The following AGPAT3 variants were observed in gnomAD, a reference collection of about 807,000 sequenced individuals.
The protein encoded by AGPAT3 is 1-acyl-sn-glycerol-3-phosphate acyltransferase gamma.
AGPAT3 carries 5 observed loss-of-function variants against 47.3 expected under a neutral mutation model. That is an observed-to-expected ratio of 0.11 (90% confidence interval 0.06 to 0.22). AGPAT3 has a LOEUF of 0.22. AGPAT3 is among the 10% of genes least tolerant of loss of function. The pLI is 1.00. For missense variants in AGPAT3, 315 were observed against 493.0 expected, an observed-to-expected ratio of 0.64 and a Z score of 3.42; for synonymous variants, 212 against 208.3, an observed-to-expected ratio of 1.02 and a Z score of -0.15.
At chr21:43,935,011 TGCCACCCATGTGCCGTCCACCACCCAC>T (rs1459611444) in intron 2 of AGPAT3, among the ~76,000 whole-genome samples, 4 of 149,934 alleles carry the variant, frequency 2.7e-5, no homozygotes, top group Non-Finnish European at 4.4e-5. Context: ...CTACTACCCA[TGCCACCCATGTGCCGTCCACCACCCAC>T]GCCACCCACA....
intron 8 of AGPAT3, among the ~76,000 whole-genome samples, chr21:43,979,447 T>TC (rs2089763129): frequency 6.6e-6 from 1 of 151,488 alleles, no homozygotes; most frequent in South Asian, 2.1e-4. Context: ...GCCTGCCCCA[T>TC]CCCCTGAAGT....
chr21:43,882,132 G>C (rs1460201176), intron 1 of AGPAT3, among the ~76,000 whole-genome samples: 1 of 152,240 alleles, frequency 6.6e-6, no homozygotes, highest in African/African-American at 2.4e-5. Flanking sequence ...CCTCATCTGG[G>C]GGCCCTGTGC....
intron 1 of AGPAT3, among the ~76,000 whole-genome samples, chr21:43,881,918 A>C (rs1428387562): frequency 6.6e-6 from 1 of 152,332 alleles, no homozygotes; most frequent in South Asian, 2.1e-4. Context: ...CAGCCTCCCA[A>C]AGTGCTGGGA....
intron 2 of AGPAT3, chr21:43,925,353 C>T (rs899088717): frequency 6.6e-6 from 1 of 152,644 alleles, no homozygotes; most frequent in African/African-American, 2.4e-5. Flanking sequence ...TCCTGCCCCT[C>T]CCAGTCTGGG....
At chr21:43,948,991 C>T (rs1191557040) in intron 2 of AGPAT3, among the ~76,000 whole-genome samples, 1 of 152,116 alleles carries the variant, frequency 6.6e-6, no homozygotes, top group Admixed American at 6.5e-5. Context: ...TACTGATAAG[C>T]CGGTACTGTG....
intron 1 of AGPAT3, among the ~76,000 whole-genome samples, chr21:43,870,087 C>T (rs1021376653): frequency 3.3e-5 from 5 of 152,086 alleles, no homozygotes; most frequent in African/African-American, 1.2e-4. Flanking sequence ...GCGGCACGGG[C>T]GGGCGGGATT....
rs2087268215 is a variant in AGPAT3, at chr21:43,932,100, A to T, written c.-48-27534A>T. On this transcript the variant is annotated intron_variant, in intron 2 of 9. Coordinates refer to ENST00000291572, the MANE Select transcript of AGPAT3 (RefSeq NM_020132.5). The surrounding 1 kb of genome is among the most constrained non-coding windows in gnomAD (Gnocchi z 5.2). ...AATTAACATAGCTATCAGCTCACCAACATCGTTTTTGGTGGTGTGGATGTT... is the reference window on the plus strand; with the variant it reads ...AATTAACATAGCTATCAGCTCACCATCATCGTTTTTGGTGGTGTGGATGTT... Among the ~76,000 whole-genome samples, 1 of 152,170 alleles carries T rather than the reference A, an allele frequency of 6.6e-6. No individual in the cohort carries two copies. Among genetic ancestry groups the T allele is most frequent in the Admixed American group, 6.5e-5 (1 of 15,274 alleles).
Position 43,981,731 on chromosome 21 carries a change from C to T in AGPAT3, c.1042+544C>T, listed in dbSNP as rs144657584. 3.9e-3 allele frequency among the ~76,000 whole-genome samples: 596 copies of T among 152,078 alleles called. 1 individual carries two copies. Among genetic ancestry groups the T allele is most frequent in the Middle Eastern group, 6.8e-3 (2 of 294 alleles). On this transcript the variant is annotated intron_variant, in intron 9 of 9. Transcript: ENST00000291572. The surrounding 1 kb of genome is among the most constrained non-coding windows in gnomAD (Gnocchi z 5.3). ...ACCCCGTAATTGAGGGGTCTCTGTC[C>T]GTGGAGACACAGTCCGTGTGCATCG... is the stretch of plus-strand genomic sequence containing the variant.
chr21:43,875,126 G>T (rs988993383), intron 1 of AGPAT3, among the ~76,000 whole-genome samples: 1 of 151,990 alleles, frequency 6.6e-6, no homozygotes, highest in Non-Finnish European at 1.5e-5. Flanking sequence ...AATTACAGGC[G>T]CCCACCACCA....
Position 43,955,025 on chromosome 21 carries a change from C to T in AGPAT3, c.-48-4609C>T, listed in dbSNP as rs138234342. On this transcript the variant is annotated intron_variant, in intron 2 of 9. Coordinates refer to ENST00000291572, the MANE Select transcript of AGPAT3 (RefSeq NM_020132.5). This position sits in a 1 kb window ranked among gnomAD's most constrained non-coding sequence, Gnocchi z 4.1. Reference sequence around the variant, plus strand: ...AGCTGCATCCACACAGAGGCTGGGACGTGAATGTGCATCACGGCTCTATCT... The same window carrying T: ...AGCTGCATCCACACAGAGGCTGGGATGTGAATGTGCATCACGGCTCTATCT... 1.9e-5 allele frequency: 22 copies of T among 1,171,364 alleles called. No homozygotes were observed. In the East Asian group the frequency reaches 9.5e-4, roughly 51 times the overall value. The allele number at this position is 1,171,364 out of a possible 1,614,324, so 72.6% of individuals were successfully genotyped here.
chr21:43,982,210 C>A lies in AGPAT3; in HGVS notation c.1043-94C>A. 1 of 926,008 alleles carries A rather than the reference C, an allele frequency of 1.1e-6. No homozygotes were observed. The highest frequency in any genetic ancestry group is 1.7e-6 in the Non-Finnish European group (1 of 582,668). 57.4% of individuals were successfully genotyped at this position (926,008 alleles called of 1,614,324 possible). A position where few individuals can be genotyped will look rare whatever the true frequency, so the allele number is the denominator to read the frequency against. ...TGGGTGCGGGGCAGAGGGACAGGGT[C>A]TGGGGCAGAGGAAGGAAGCCCCAGT... On this transcript the variant is annotated intron_variant, in intron 9 of 9. Transcript: ENST00000291572. This position sits in a 1 kb window ranked among gnomAD's most constrained non-coding sequence, Gnocchi z 6.2.
chr21:43,867,927 A>G (rs2085544195), intron 1 of AGPAT3, among the ~76,000 whole-genome samples: 1 of 152,234 alleles, frequency 6.6e-6, no homozygotes, highest in African/African-American at 2.4e-5. Context: ...GTAAAGTAAC[A>G]TGACCACGAG....
chr21:43,876,075 C>T (rs772577169), intron 1 of AGPAT3, among the ~76,000 whole-genome samples: 2 of 152,018 alleles, frequency 1.3e-5, no homozygotes, highest in Admixed American at 6.6e-5. Context: ...GGCACCATGC[C>T]CAGCCTAACC....
rs1019308037 is a variant in AGPAT3, at chr21:43,920,516, C to T, written c.-49+16497C>T. 2.6e-5 allele frequency among the ~76,000 whole-genome samples: 4 copies of T among 152,124 alleles called. No individual in the cohort carries two copies. The highest frequency in any genetic ancestry group is 9.7e-5 in the African/African-American group (4 of 41,418). On this transcript the variant is annotated intron_variant, in intron 2 of 9. Transcript: ENST00000291572. This position sits in a 1 kb window ranked among gnomAD's most constrained non-coding sequence, Gnocchi z 6.1. ...GTGGCTGGGGCTCCAGGACAGCCTCCTGGGGGACTGGTTGCCAGGGCAACT... is the reference window on the plus strand; with the variant it reads ...GTGGCTGGGGCTCCAGGACAGCCTCTTGGGGGACTGGTTGCCAGGGCAACT...
intron 1 of AGPAT3, among the ~76,000 whole-genome samples, chr21:43,871,843 A>G (rs1027618476): frequency 1.3e-5 from 2 of 152,036 alleles, no homozygotes; most frequent in Non-Finnish European, 2.9e-5. Context: ...TATTTTTCCC[A>G]GTTGGGTTTT....
intron 7 of AGPAT3, among the ~76,000 whole-genome samples, chr21:43,976,977 A>G (rs912336610): frequency 1.3e-5 from 2 of 152,234 alleles, no homozygotes; most frequent in African/African-American, 4.8e-5. Flanking sequence ...AGATTTTAAT[A>G]TATCATATGT....
In AGPAT3 at chr21:43,967,802, G is replaced by A. The variant is rs2089203762; in HGVS notation, c.179-144G>A. ...GAAAGTTATTGTAATTTCATAAAAC[G>A]TACTCAGTGTAAGTCATCAAAACTC... On this transcript the variant is annotated intron_variant, in intron 3 of 9. Coordinates refer to ENST00000291572, the MANE Select transcript of AGPAT3 (RefSeq NM_020132.5). 9 of 737,092 alleles carry A rather than the reference G, an allele frequency of 1.2e-5. No individual in the cohort carries two copies. The South Asian group carries it at 1.6e-4, about 13-fold the overall frequency. 45.7% of individuals were successfully genotyped at this position (737,092 alleles called of 1,614,324 possible).
At position 43,932,673 on chromosome 21, in the gene AGPAT3, C is replaced by T. The variant is rs899837651; in HGVS notation, c.-48-26961C>T. Among the ~76,000 whole-genome samples the T allele has an allele frequency of 5.9e-5, 9 of 152,190 alleles. No homozygotes were observed. The highest frequency in any genetic ancestry group is 2.1e-4 in the South Asian group (1 of 4,830). On this transcript the variant is annotated intron_variant, in intron 2 of 9. Transcript: ENST00000291572. The surrounding 1 kb of genome is among the most constrained non-coding windows in gnomAD (Gnocchi z 5.2). Reference sequence around the variant, plus strand: ...GGTAGTTCCTTTTGTTTTCTTGAGACGGAGTCTTGCTCTGTCGCCCAGGCT... The same window carrying T: ...GGTAGTTCCTTTTGTTTTCTTGAGATGGAGTCTTGCTCTGTCGCCCAGGCT...
At chr21:43,876,057 G>A (rs1601192904) in intron 1 of AGPAT3, among the ~76,000 whole-genome samples, 1 of 151,834 alleles carries the variant, frequency 6.6e-6, no homozygotes, top group African/African-American at 2.4e-5. Flanking sequence ...CCAAGTGCTG[G>A]GATTACAGGC....
Sources: allele counts gnomAD v4.1 joint callset (sites outside exome capture counted in the v4.1 genomes callset), GRCh38; gene constraint gnomAD v4.1.1; non-coding constraint Gnocchi (gnomAD v3.1); transcripts MANE v1.5; gene names NCBI Gene and HGNC (gene_info 2026-07-23, HGNC 2026-07-21).